Variants in FBXL2 observed in about 807,000 individuals in gnomAD.
FBXL2 encodes the protein F-box/LRR-repeat protein 2.
FBXL2 carries 38 observed loss-of-function variants against 69.2 expected under a neutral mutation model. That is an observed-to-expected ratio of 0.55 (90% CI 0.42 to 0.72). The LOEUF (loss-of-function observed/expected upper bound fraction) is 0.72. Ranked by LOEUF, FBXL2 falls within the 30% of genes least tolerant of loss-of-function variation. The pLI, the probability that FBXL2 is intolerant of heterozygous loss-of-function variation, is 0.00. For missense variants in FBXL2, 354 were observed against 520.3 expected, an observed-to-expected ratio of 0.68 and a Z score of 3.11; for synonymous variants, 192 against 201.3, an observed-to-expected ratio of 0.95 and a Z score of 0.39.
At chr3:33,402,288 C>A (rs2044258501) in intron 12 of FBXL2, among the ~76,000 whole-genome samples, 1 of 152,116 alleles carries the variant, frequency 6.6e-6, no homozygotes, top group South Asian at 2.1e-4. Context: ...GGCTGGATAA[C>A]AGAATAAAGA....
chr3:33,282,745 C>T (rs914714496), intron 1 of FBXL2, among the ~76,000 whole-genome samples: 1 of 152,126 alleles, frequency 6.6e-6, no homozygotes, highest in Non-Finnish European at 1.5e-5. Flanking sequence ...TATAGTTCTC[C>T]TTTAAGAGTT....
At chr3:33,398,632 C>G (rs939564263) in intron 12 of FBXL2, among the ~76,000 whole-genome samples, 1 of 152,224 alleles carries the variant, frequency 6.6e-6, no homozygotes, top group African/African-American at 2.4e-5. Flanking sequence ...ATGGCTAGCT[C>G]CTCGCCCACT....
intron 1 of FBXL2, among the ~76,000 whole-genome samples, chr3:33,296,509 C>T (rs1451874005): frequency 6.6e-6 from 1 of 151,972 alleles, no homozygotes; most frequent in Non-Finnish European, 1.5e-5. Flanking sequence ...AATTTTAGCT[C>T]TTATATTTAT....
chr3:33,326,238 C>T (rs571201623), intron 2 of FBXL2, among the ~76,000 whole-genome samples: 5 of 152,232 alleles, frequency 3.3e-5, no homozygotes, highest in East Asian at 3.9e-4. Context: ...CAGTGGCTCA[C>T]GCCTGTAATC....
At chr3:33,286,655 G>T (rs1244531478) in intron 1 of FBXL2, among the ~76,000 whole-genome samples, 1 of 152,238 alleles carries the variant, frequency 6.6e-6, no homozygotes, top group Admixed American at 6.5e-5. Flanking sequence ...ACAGAGGCGG[G>T]CAGGCCTCCT....
intron 12 of FBXL2, among the ~76,000 whole-genome samples, chr3:33,401,396 CA>C (rs894530381): frequency 1.3e-5 from 2 of 151,308 alleles, no homozygotes; most frequent in African/African-American, 2.4e-5. Flanking sequence ...AAAATAATTG[CA>C]AAAAAAATGA....
chr3:33,304,514 T>C (rs2036555044), intron 2 of FBXL2, among the ~76,000 whole-genome samples: 1 of 152,114 alleles, frequency 6.6e-6, no homozygotes. Context: ...CTGTATAATA[T>C]TCTACTGTGT....
At chr3:33,396,916 A>G (rs768574919) in intron 12 of FBXL2, 2 of 835,920 alleles carry the variant, frequency 2.4e-6, no homozygotes, top group Non-Finnish European at 4.0e-6. Context: ...TGTGAGCACA[A>G]TGCTGCCAAT....
At chr3:33,407,622 A>G (rs2044462499), downstream of FBXL2, among the ~76,000 whole-genome samples, 2 of 152,086 alleles carry the variant, frequency 1.3e-5, no homozygotes, top group African/African-American at 2.4e-5. Context: ...GTACAATTTC[A>G]GTTTCATTGC....
intron 2 of FBXL2, among the ~76,000 whole-genome samples, chr3:33,299,288 C>G (rs544528426): frequency 8.8e-4 from 134 of 152,192 alleles, no homozygotes; most frequent in African/African-American, 3.2e-3. Flanking sequence ...GTAATCCGCC[C>G]GCCTCGGCCT....
intron 13 of FBXL2, 140 bp downstream of exon 13, chr3:33,378,881 G>C: frequency 6.8e-7 from 1 of 1,470,924 alleles, no homozygotes; most frequent in East Asian, 2.5e-5. Flanking sequence ...GGCTAACTTG[G>C]GAGGCAAGGT....
At chr3:33,342,965 C>G (rs1212551076) in intron 2 of FBXL2, among the ~76,000 whole-genome samples, 1 of 146,032 alleles carries the variant, frequency 6.8e-6, no homozygotes, top group Non-Finnish European at 1.5e-5. Flanking sequence ...TGGTCTCCAT[C>G]TCCTGACCTC....
chr3:33,326,286 G>A (rs1328894947), intron 2 of FBXL2, among the ~76,000 whole-genome samples: 1 of 152,040 alleles, frequency 6.6e-6, no homozygotes, highest in Non-Finnish European at 1.5e-5. Context: ...GGATCACAAG[G>A]TCAGGAGATT....
rs933691042 is a variant in FBXL2 at position 33,326,328 on chromosome 3, G to A, written c.65+28603G>A. On this transcript the variant is annotated intron_variant, in intron 2 of 14. Coordinates refer to ENST00000484457, the MANE Select transcript of FBXL2 (RefSeq NM_012157.5). ...ATCCTGGCTAACACGGTGAAACCCC[G>A]TCTCAACTAAAAATACAAAAAAAAA... Among the ~76,000 whole-genome samples the A allele has an allele frequency of 2.0e-4, 31 of 151,850 alleles. 1 individual carries two copies. Among genetic ancestry groups the A allele is most frequent in the South Asian group, 4.2e-4 (2 of 4,816 alleles).
In FBXL2 at chr3:33,351,962, TAAAAA is replaced by T. The variant is rs56082631; in HGVS notation, c.66-6990_66-6986del. 7.1e-5 allele frequency among the ~76,000 whole-genome samples: 8 copies of T among 112,082 alleles called. No individual in the cohort carries two copies. The East Asian group carries it at 2.1e-3, about 29-fold the overall frequency. 73.5% of individuals were successfully genotyped at this position (112,082 alleles called of 152,430 possible). ...GCAACATAGTGGGACCCCCATCACT[TAAAAA>T]AAAAAAAAAAAAAAGTTAATATGGA... On this transcript the variant is annotated intron_variant, in intron 2 of 14. Transcript: ENST00000484457.
intron 13 of FBXL2, chr3:33,383,014 A>G (rs2043164902): frequency 6.6e-6 from 1 of 152,122 alleles, no homozygotes. Flanking sequence ...CTTTCCTAGG[A>G]TTAGCTCCTA....
the FBXL2 span, among the ~76,000 whole-genome samples, chr3:33,410,305 C>T: frequency 6.6e-6 from 1 of 152,182 alleles, no homozygotes; most frequent in African/African-American, 2.4e-5. Flanking sequence ...GCTGCACATC[C>T]CCCTCTTCTA....
chr3:33,370,528 A>G (rs760999063), intron 5 of FBXL2, among the ~76,000 whole-genome samples: 6 of 152,064 alleles, frequency 3.9e-5, no homozygotes, highest in African/African-American at 7.2e-5. Context: ...ACCAGTGATA[A>G]ATCTGCTGTC....
chr3:33,296,326 C>G (rs558400185), intron 1 of FBXL2, among the ~76,000 whole-genome samples: 61 of 152,200 alleles, frequency 4.0e-4, no homozygotes, highest in African/African-American at 1.4e-3. Context: ...TTGGCCTCCC[C>G]AAGTGCTAGG....
Sources: gnomAD v4.1 joint callset for allele counts (sites outside exome capture counted in the v4.1 genomes callset) on GRCh38, gnomAD v4.1.1 for gene constraint, MANE v1.5 for transcripts, NCBI Gene and HGNC (gene_info 2026-07-23, HGNC 2026-07-21) for gene names.